The following RPAP2 variants were observed in gnomAD, a reference collection of about 807,000 sequenced individuals.
RPAP2 encodes the protein RNA polymerase II associated protein 2, also known as putative RNA polymerase II subunit B1 CTD phosphatase RPAP2.
Under a neutral mutation model 73.1 loss-of-function variants are expected in RPAP2, and 52 were observed. The observed-to-expected ratio is 0.71, with a 90% CI of 0.57 to 0.90. The LOEUF is 0.90. Ranked by LOEUF, RPAP2 falls within the 40% of genes least tolerant of loss-of-function variation. The pLI, the probability that RPAP2 is intolerant of heterozygous loss-of-function variation, is 0.00. For missense variants in RPAP2, 598 were observed against 701.8 expected, an observed-to-expected ratio of 0.85 and a Z score of 1.67; for synonymous variants, 225 against 242.1, an observed-to-expected ratio of 0.93 and a Z score of 0.65.
intron 5 of RPAP2, among the ~76,000 whole-genome samples, chr1:92,305,302 G>A (rs1395443951): frequency 1.3e-5 from 2 of 150,002 alleles, no homozygotes; most frequent in Non-Finnish European, 3.0e-5. Context: ...ACGTGATGGC[G>A]GGCGCCTGTA....
chr1:92,374,821 G>A (rs1003511861), intron 11 of RPAP2, among the ~76,000 whole-genome samples: 6 of 152,164 alleles, frequency 3.9e-5, no homozygotes, highest in Non-Finnish European at 8.8e-5. Flanking sequence ...AAGTTGATGG[G>A]TGAGAGGGAG....
Position 92,323,471 on chromosome 1 carries a change from T to G in RPAP2, c.551T>G (p.Leu184Ter), listed in dbSNP as rs758195680. 6.2e-7 allele frequency: 1 copy of G among 1,609,044 alleles called. No individual in the cohort carries two copies. The highest frequency in any genetic ancestry group is 8.5e-7 in the Non-Finnish European group (1 of 1,177,184). Residue 184 changes from leucine (L) to a stop codon, truncating the protein, a stop_gained, in exon 8 of 13, where the codon TTA becomes TGA. Transcript: ENST00000610020. LOFTEE classifies it high-confidence loss of function. ...QSGHSGEEVQ[L>*]CSKAIKTSDI... ...GGCCATTCTGGAGAAGAAGTACAGT[T>G]ATGCAGTAAAGCCATTAAAACATCA... is the stretch of plus-strand genomic sequence containing the variant.
rs1378456173 is a variant in RPAP2 at position 92,387,481 on chromosome 1, C to T, written c.*470C>T. On this transcript the variant is annotated 3_prime_UTR_variant, in exon 13 of 13. Coordinates refer to ENST00000610020, the MANE Select transcript of RPAP2 (RefSeq NM_024813.3). ...AATACATACAATTTAAGATGAAGCC[C>T]TTTGGAAGTCTAGTCCAAAACAGGA... 1 of 152,232 alleles carries T rather than the reference C, an allele frequency of 6.6e-6. No homozygotes were observed. Among genetic ancestry groups the T allele is most frequent in the African/African-American group, 2.4e-5 (1 of 41,442 alleles). The allele number at this position is 152,232 out of a possible 1,614,324, so 9.4% of individuals were successfully genotyped here. A position where few individuals can be genotyped will look rare whatever the true frequency, so the allele number is the denominator to read the frequency against.
At chr1:92,333,937 C>T (rs1300368481) in intron 9 of RPAP2, among the ~76,000 whole-genome samples, 1 of 152,188 alleles carries the variant, frequency 6.6e-6, no homozygotes, top group Non-Finnish European at 1.5e-5. Flanking sequence ...CTCAACGTTG[C>T]ACTTTAGCTT....
At chr1:92,321,123 C>T (rs1278580468) in intron 7 of RPAP2, among the ~76,000 whole-genome samples, 1 of 137,180 alleles carries the variant, frequency 7.3e-6, no homozygotes, top group Non-Finnish European at 1.5e-5. Context: ...CAAAACACAT[C>T]CCTTAACTCT....
At chr1:92,325,344 T>G (rs140644000) in intron 8 of RPAP2, among the ~76,000 whole-genome samples, 1 of 152,100 alleles carries the variant, frequency 6.6e-6, no homozygotes, top group Non-Finnish European at 1.5e-5. Context: ...AGAAATATAT[T>G]TCTATAGAGT....
intron 6 of RPAP2, among the ~76,000 whole-genome samples, chr1:92,313,286 C>A (rs1319015911): frequency 1.3e-5 from 2 of 152,124 alleles, no homozygotes; most frequent in Non-Finnish European, 2.9e-5. Flanking sequence ...AAATGTATGT[C>A]TTAAGACTTG....
intron 6 of RPAP2, among the ~76,000 whole-genome samples, chr1:92,314,917 C>T (rs1280560047): frequency 2.6e-5 from 4 of 151,860 alleles, no homozygotes; most frequent in African/African-American, 9.7e-5. Flanking sequence ...TGGTGGCTCA[C>T]GCCTGTAATC....
intron 11 of RPAP2, among the ~76,000 whole-genome samples, chr1:92,350,876 G>A (rs1245364260): frequency 1.3e-5 from 2 of 152,118 alleles, no homozygotes; most frequent in African/African-American, 4.8e-5. Context: ...AGGTTGTAGT[G>A]AGCTGAGATG....
At chr1:92,356,394 T>C (rs752249565) in intron 11 of RPAP2, among the ~76,000 whole-genome samples, 10 of 152,084 alleles carry the variant, frequency 6.6e-5, no homozygotes, top group Admixed American at 1.3e-4. Flanking sequence ...TTTTAGAAAA[T>C]AGCTCTGGAA....
At chr1:92,342,242 G>A (rs1653633398) in intron 10 of RPAP2, among the ~76,000 whole-genome samples, 1 of 152,212 alleles carries the variant, frequency 6.6e-6, no homozygotes, top group Admixed American at 6.5e-5. Flanking sequence ...GACCCGAAAG[G>A]AGGTAAGGGA....
intron 11 of RPAP2, among the ~76,000 whole-genome samples, chr1:92,360,568 T>C (rs1007842368): frequency 2.0e-5 from 3 of 152,160 alleles, no homozygotes; most frequent in African/African-American, 4.8e-5. Flanking sequence ...CTGGAAGAAC[T>C]AGAGGGTAAC....
chr1:92,337,381 G>A (rs1653339188), intron 10 of RPAP2, among the ~76,000 whole-genome samples: 1 of 151,998 alleles, frequency 6.6e-6, no homozygotes, highest in African/African-American at 2.4e-5. Context: ...AAAAACATCA[G>A]TAACCTTTTT....
At chr1:92,302,706 A>G (rs1173361624) in intron 3 of RPAP2, among the ~76,000 whole-genome samples, 1 of 137,622 alleles carries the variant, frequency 7.3e-6, no homozygotes, top group South Asian at 2.4e-4. Context: ...TGTTCACGCC[A>G]TTCTCCTGCC....
chr1:92,307,726 A>AT (rs33919043), intron 6 of RPAP2, among the ~76,000 whole-genome samples: 90,377 of 150,202 alleles, frequency 0.6, 30,242 homozygotes, highest in East Asian at 0.96. Context: ...TTAAAAAGTA[A>AT]TTTTTTTTTT....
chr1:92,381,836 T>C (rs557427001), intron 12 of RPAP2, among the ~76,000 whole-genome samples: 3 of 152,122 alleles, frequency 2.0e-5, no homozygotes, highest in South Asian at 4.2e-4. Context: ...TTGCTACATA[T>C]GTATACATGT....
chr1:92,304,235 C>T, intron 4 of RPAP2, 49 bp from the exon 5 acceptor site: 1 of 1,265,008 alleles, frequency 7.9e-7, no homozygotes, highest in Non-Finnish European at 1.1e-6. Context: ...ACATAACGTT[C>T]ATGTTTATTA....
At position 92,307,264 on chromosome 1, in the gene RPAP2, G is replaced by A. The variant is rs777870547; in HGVS notation, c.476G>A (p.Arg159Gln). The A allele has an allele frequency of 2.2e-5, 36 of 1,603,416 alleles. No individual in the cohort carries two copies. Among genetic ancestry groups the A allele is most frequent in the Non-Finnish European group, 1.5e-5 (18 of 1,172,614 alleles). ...ATTCCCAAAACTCCAGTATGGGTTCGAGAAGAAGAGAGGTAATTTAAGTCA... is the reference window on the plus strand; with the variant it reads ...ATTCCCAAAACTCCAGTATGGGTTCAAGAAGAAGAGAGGTAATTTAAGTCA... ...AQIPKTPVWV[R>Q]EEERHPDFQL... The change falls in exon 6 of 13, where the codon CGA (arginine) becomes CAA (glutamine). Residue 159 changes from arginine to glutamine, a missense_variant. Physicochemically the swap from Arg to Gln is conservative, Grantham distance 43 (BLOSUM62 1). Transcript: ENST00000610020.
intron 10 of RPAP2, among the ~76,000 whole-genome samples, chr1:92,337,846 T>C (rs1653365833): frequency 6.6e-6 from 1 of 152,174 alleles, no homozygotes; most frequent in African/African-American, 2.4e-5. Flanking sequence ...GGTTATTTTC[T>C]TTAATGTTGT....
Sources: allele counts gnomAD v4.1 joint callset (sites outside exome capture counted in the v4.1 genomes callset), GRCh38; gene constraint gnomAD v4.1.1; transcripts MANE v1.5; gene names NCBI Gene and HGNC (gene_info 2026-07-23, HGNC 2026-07-21).